BMP3: variants seen among roughly 807,000 people sequenced by gnomAD.
BMP3 encodes bone morphogenetic protein 3, also known as bone morphogenetic protein 3 (osteogenic).
A neutral mutation model predicts 38.1 loss-of-function variants in BMP3; 23 were observed. The ratio of observed to expected loss-of-function variants is 0.60; its 90% CI spans 0.43 to 0.86. BMP3 has a LOEUF of 0.86. BMP3 is among the 40% of genes least tolerant of loss of function. BMP3 has a pLI of 0.00. For synonymous variants in BMP3, 258 were observed against 225.7 expected (o/e 1.14, Z -1.28); for missense variants, 628 against 579.6 (o/e 1.08, Z -0.86).
Position 81,053,567 on chromosome 4 carries a change from T to A in BMP3, c.*31T>A. ...CAAAGAACTCATTTGAATGCTTAAT[T>A]CAATCATTAGTTTATTTTTATGGAC... On this transcript the variant is annotated 3_prime_UTR_variant, in exon 3 of 3. Transcript: ENST00000282701. 8.5e-7 allele frequency: 1 copy of A among 1,172,434 alleles called. No individual in the cohort carries two copies. The highest frequency in any genetic ancestry group is 1.1e-6 in the Non-Finnish European group (1 of 877,362). The allele number at this position is 1,172,434 out of a possible 1,614,324, so 72.6% of individuals were successfully genotyped here.
chr4:81,030,955 A>C lies in BMP3; in HGVS notation c.-330A>C. 2.7e-5 allele frequency: 7 copies of C among 263,620 alleles called. No individual in the cohort carries two copies. The highest frequency in any genetic ancestry group is 8.8e-5 in the East Asian group (1 of 11,304). 16.3% of individuals were successfully genotyped at this position (263,620 alleles called of 1,614,324 possible). A position where few individuals can be genotyped will look rare whatever the true frequency, so the allele number is the denominator to read the frequency against. On this transcript the variant is annotated 5_prime_UTR_variant, in exon 1 of 3. Transcript: ENST00000282701. The stretch of plus-strand genomic sequence containing the variant: ...TTCCCAAAAATAAAGCGAGGAGGGA[A>C]GGTACAGACAGATCTTGAAAACACC...
intron 2 of BMP3, among the ~76,000 whole-genome samples, chr4:81,048,115 A>T (rs1740308410): frequency 6.6e-6 from 1 of 152,120 alleles, no homozygotes; most frequent in African/African-American, 2.4e-5. Flanking sequence ...CCCAAACACA[A>T]AGTACGAATT....
At position 81,056,168 on chromosome 4, in the gene BMP3, G is replaced by T. The variant is rs1457846367; in HGVS notation, c.*2632G>T. On this transcript the variant is annotated 3_prime_UTR_variant, in exon 3 of 3. Transcript: ENST00000282701. The stretch of plus-strand genomic sequence containing the variant: ...TACACAGAAGCTTTAGAAATCTCCT[G>T]ATATTAAATTATTAAATTGGCATTC... 6.6e-6 allele frequency: 1 copy of T among 151,954 alleles called. No individual in the cohort carries two copies. The highest frequency in any genetic ancestry group is 2.4e-5 in the African/African-American group (1 of 41,358). 9.4% of individuals were successfully genotyped at this position (151,954 alleles called of 1,614,324 possible).
chr4:81,034,021 G>A (rs903640), intron 1 of BMP3, among the ~76,000 whole-genome samples: 152,121 of 152,310 alleles, frequency 1, 75,967 homozygotes, highest in Non-Finnish European at 1. Flanking sequence ...TTAGAGTCCT[G>A]TTTGTGCCTT....
intron 1 of BMP3, among the ~76,000 whole-genome samples, chr4:81,045,454 A>G (rs1224704924): frequency 1.3e-5 from 2 of 152,046 alleles, no homozygotes; most frequent in Non-Finnish European, 2.9e-5. Context: ...AAAGTTTTTA[A>G]TTTTAATGAA....
At chr4:81,036,664 A>G (rs1366177646) in intron 1 of BMP3, among the ~76,000 whole-genome samples, 1 of 152,174 alleles carries the variant, frequency 6.6e-6, no homozygotes, top group African/African-American at 2.4e-5. Context: ...AATTTGTAAT[A>G]GAAATATTGA....
intron 1 of BMP3, among the ~76,000 whole-genome samples, chr4:81,044,076 A>T (rs1740164789): frequency 6.6e-6 from 1 of 152,180 alleles, no homozygotes; most frequent in African/African-American, 2.4e-5. Flanking sequence ...TGTGAATGAG[A>T]ATATTAGCTT....
chr4:81,046,788 T>A (rs1222469545), intron 2 of BMP3, 140 bp downstream of exon 2: 8 of 928,036 alleles, frequency 8.6e-6, no homozygotes, highest in Non-Finnish European at 1.3e-5. Context: ...CCTTATTTAC[T>A]ACATTCTAAA....
At chr4:81,039,378 T>C (rs1454399608) in intron 1 of BMP3, among the ~76,000 whole-genome samples, 1 of 152,218 alleles carries the variant, frequency 6.6e-6, no homozygotes, top group Non-Finnish European at 1.5e-5. Context: ...AATCAGACTT[T>C]ACATAGAAAG....
intron 1 of BMP3, among the ~76,000 whole-genome samples, chr4:81,040,345 C>T (rs1310147411): frequency 6.6e-6 from 1 of 152,160 alleles, no homozygotes; most frequent in South Asian, 2.1e-4. Flanking sequence ...CTCTCGTTCA[C>T]TTTCACACTC....
chr4:81,055,728 C>CTTAA lies in BMP3; in HGVS notation c.*2195_*2198dup, dbSNP rs1740536615. 1 of 152,098 alleles carries CTTAA rather than the reference C, an allele frequency of 6.6e-6. No homozygotes were observed. The highest frequency in any genetic ancestry group is 2.4e-5 in the African/African-American group (1 of 41,416). The allele number at this position is 152,098 out of a possible 1,614,324, so 9.4% of individuals were successfully genotyped here. A position where few individuals can be genotyped will look rare whatever the true frequency, so the allele number is the denominator to read the frequency against. On this transcript the variant is annotated 3_prime_UTR_variant, in exon 3 of 3. Coordinates refer to ENST00000282701, the MANE Select transcript of BMP3 (RefSeq NM_001201.5). The stretch of plus-strand genomic sequence containing the variant: ...ATCCAAATGCCTGTTTATTACCTTT[C>CTTAA]TTAATTTGAATCAATGCCTAGTTAT...
chr4:81,042,238 A>T (rs1308625026), intron 1 of BMP3, among the ~76,000 whole-genome samples: 1 of 152,228 alleles, frequency 6.6e-6, no homozygotes, highest in Non-Finnish European at 1.5e-5. Flanking sequence ...TATGTATTTT[A>T]TACTTACAGC....
chr4:81,050,868 A>G (rs1258862764), intron 2 of BMP3, among the ~76,000 whole-genome samples: 3 of 152,194 alleles, frequency 2.0e-5, no homozygotes, highest in Admixed American at 6.6e-5. Flanking sequence ...TGTTTAATAA[A>G]GAGTCATGAG....
chr4:81,052,447 A>C (rs778492209), intron 2 of BMP3, among the ~76,000 whole-genome samples: 1 of 152,166 alleles, frequency 6.6e-6, no homozygotes, highest in Non-Finnish European at 1.5e-5. Context: ...GGTTCTCTAA[A>C]TAAAACCACA....
intron 2 of BMP3, among the ~76,000 whole-genome samples, chr4:81,048,616 G>A (rs149765873): frequency 1.3e-5 from 2 of 152,200 alleles, no homozygotes; most frequent in African/African-American, 4.8e-5. Context: ...TTACTGTTCC[G>A]AAACCTGCTG....
chr4:81,046,700 G>A, intron 2 of BMP3, 52 bp downstream of exon 2: 1 of 1,533,766 alleles, frequency 6.5e-7, no homozygotes, highest in Non-Finnish European at 8.8e-7. Flanking sequence ...TTAGTAGAAA[G>A]ACACATTGAC....
chr4:81,051,669 T>C (rs1041730888), intron 2 of BMP3, among the ~76,000 whole-genome samples: 1 of 152,144 alleles, frequency 6.6e-6, no homozygotes, highest in Non-Finnish European at 1.5e-5. Flanking sequence ...ACAATACTGA[T>C]TGTAGTTTGT....
chr4:81,044,252 C>A (rs1419732436), intron 1 of BMP3, among the ~76,000 whole-genome samples: 2 of 152,170 alleles, frequency 1.3e-5, no homozygotes, highest in Non-Finnish European at 2.9e-5. Flanking sequence ...TCCTCCATAA[C>A]TCTGAGCTTT....
At chr4:81,036,750 C>A (rs1260792627) in intron 1 of BMP3, among the ~76,000 whole-genome samples, 2 of 151,774 alleles carry the variant, frequency 1.3e-5, no homozygotes, top group Admixed American at 6.6e-5. Context: ...GAAATGTAAC[C>A]CAAAAAGCTT....
Sources: gnomAD v4.1 joint callset for allele counts (sites outside exome capture counted in the v4.1 genomes callset) on GRCh38, gnomAD v4.1.1 for gene constraint, MANE v1.5 for transcripts, NCBI Gene and HGNC (gene_info 2026-07-23, HGNC 2026-07-21) for gene names.